The following CD48 variants were observed in gnomAD, a reference collection of about 807,000 sequenced individuals.
The protein encoded by CD48 is CD48 molecule.
A neutral mutation model predicts 22.0 loss-of-function variants in CD48; 20 were observed. The observed-to-expected ratio is 0.91, with a 90% CI of 0.64 to 1.32. The LOEUF is 1.32. CD48 is among the 40% of genes most tolerant of loss of function. CD48 has a pLI of 0.00. For synonymous variants in CD48, 110 were observed against 110.1 expected (o/e 1.00, Z 0.01); for missense variants, 307 against 286.5 (o/e 1.07, Z -0.52).
At chr1:160,708,571 T>C (rs1050974908) in intron 1 of CD48, among the ~76,000 whole-genome samples, 2 of 151,964 alleles carry the variant, frequency 1.3e-5, no homozygotes, top group Non-Finnish European at 2.9e-5. Flanking sequence ...GAAAGTAGAA[T>C]TAACAGGACT....
Position 160,684,876 on chromosome 1 carries a change from C to A in CD48, c.385+11G>T, listed in dbSNP as rs770800183. The A allele has an allele frequency of 6.2e-7, 1 of 1,614,026 alleles. No homozygotes were observed. The highest frequency in any genetic ancestry group is 1.1e-5 in the South Asian group (1 of 91,066). On this transcript the variant is annotated intron_variant, in intron 2 of 3. Transcript: ENST00000368046. Reference sequence around the variant, plus strand: ...GGAGTGGGGATTTGCTCTTTGGCTCCCCTGACTCACCAAGCACTTGCAGCT... The same window carrying A: ...GGAGTGGGGATTTGCTCTTTGGCTCACCTGACTCACCAAGCACTTGCAGCT...
intron 1 of CD48, among the ~76,000 whole-genome samples, chr1:160,709,336 T>C (rs1662884646): frequency 6.6e-6 from 1 of 152,200 alleles, no homozygotes; most frequent in African/African-American, 2.4e-5. Context: ...TGTGTCACAA[T>C]TGCAAAGCAA....
rs1201763452 is a variant in CD48, at chr1:160,711,757, A to G, written c.7T>C (p.Ser3Pro). MC[S>P]RGWDSCLALE... ...GCCAGACACGAATCCCAACCTCTGG[A>G]GCACATGCTTCCTTCCAGAACTTCC... Residue 3 changes from serine to proline, a missense_variant, in exon 1 of 4, where the codon TCC (serine) becomes CCC (proline). By Grantham distance (74) the Ser-to-Pro change is moderately conservative (BLOSUM62 -1). Coordinates refer to ENST00000368046, the MANE Select transcript of CD48 (RefSeq NM_001778.4). 6.2e-7 allele frequency: 1 copy of G among 1,613,078 alleles called. No homozygotes were observed. Among genetic ancestry groups the G allele is most frequent in the African/African-American group, 1.3e-5 (1 of 74,858 alleles).
intron 1 of CD48, among the ~76,000 whole-genome samples, chr1:160,691,287 G>A (rs11265469): frequency 0.3 from 44,912 of 151,990 alleles, 7,327 homozygotes; most frequent in Non-Finnish European, 0.38. Context: ...TCTGTTTCCC[G>A]CCCATCCCTG....
chr1:160,704,393 G>T (rs1417189857), intron 1 of CD48, among the ~76,000 whole-genome samples: 1 of 152,106 alleles, frequency 6.6e-6, no homozygotes, highest in African/African-American at 2.4e-5. Context: ...CTTAGTTGGG[G>T]TTAGCGGGAT....
intron 1 of CD48, among the ~76,000 whole-genome samples, chr1:160,687,601 T>C (rs577682633): frequency 3.2e-4 from 48 of 152,320 alleles, no homozygotes; most frequent in Middle Eastern, 3.4e-3. Flanking sequence ...GTCCCTCCAT[T>C]TGGGGTCCCT....
intron 1 of CD48, among the ~76,000 whole-genome samples, chr1:160,690,843 A>G (rs1662185149): frequency 6.6e-6 from 1 of 152,216 alleles, no homozygotes; most frequent in African/African-American, 2.4e-5. Flanking sequence ...AGAAGTAGAC[A>G]TAGGAGACTC....
chr1:160,686,541 A>G (rs561489284), intron 1 of CD48: 2 of 152,362 alleles, frequency 1.3e-5, no homozygotes, highest in East Asian at 3.9e-4. Context: ...GGGATACATC[A>G]ATGAACTAAG....
At chr1:160,697,158 G>A (rs1299370478) in intron 1 of CD48, among the ~76,000 whole-genome samples, 1 of 152,136 alleles carries the variant, frequency 6.6e-6, no homozygotes, top group Non-Finnish European at 1.5e-5. Context: ...CTAATTTAGT[G>A]GAAAGATAAT....
chr1:160,701,598 T>C (rs1384400036), intron 1 of CD48, among the ~76,000 whole-genome samples: 2 of 152,166 alleles, frequency 1.3e-5, no homozygotes, highest in Non-Finnish European at 2.9e-5. Context: ...TTCCATCATA[T>C]GCTGACTGGG....
At chr1:160,701,935 T>C (rs1049457090) in intron 1 of CD48, among the ~76,000 whole-genome samples, 1 of 152,132 alleles carries the variant, frequency 6.6e-6, no homozygotes, top group African/African-American at 2.4e-5. Context: ...TGTTTAGAAA[T>C]TACATTAATC....
chr1:160,684,485 T>G, intron 2 of CD48: 1 of 380,990 alleles, frequency 2.6e-6, no homozygotes, highest in South Asian at 3.7e-5. Flanking sequence ...TGAAAAATTC[T>G]CCTGATAACT....
intron 1 of CD48, among the ~76,000 whole-genome samples, chr1:160,703,021 G>A (rs766863034): frequency 1.3e-5 from 2 of 152,162 alleles, no homozygotes; most frequent in Admixed American, 6.5e-5. Flanking sequence ...CCTGGAGCGT[G>A]TAATTTATCC....
At chr1:160,705,800 G>C (rs1206842117) in intron 1 of CD48, among the ~76,000 whole-genome samples, 1 of 152,110 alleles carries the variant, frequency 6.6e-6, no homozygotes, top group Non-Finnish European at 1.5e-5. Flanking sequence ...TTTGTAGGGG[G>C]CTGTTCTGTG....
chr1:160,681,628 G>T (rs1661807132), intron 2 of CD48, among the ~76,000 whole-genome samples, 160 bp from the exon 3 acceptor site: 1 of 152,176 alleles, frequency 6.6e-6, no homozygotes, highest in Non-Finnish European at 1.5e-5. Context: ...GAGCAGCCTT[G>T]ACCTCCTGAG....
intron 2 of CD48, chr1:160,684,042 C>T (rs531859511): frequency 5.9e-5 from 9 of 152,188 alleles, no homozygotes; most frequent in African/African-American, 2.2e-4. Context: ...CTCAGAGGAG[C>T]AAAAGTCTAA....
At chr1:160,701,796 C>T (rs1036384967) in intron 1 of CD48, among the ~76,000 whole-genome samples, 1 of 152,226 alleles carries the variant, frequency 6.6e-6, no homozygotes. Flanking sequence ...ACCTACTAGT[C>T]CTACCTTAGT....
At chr1:160,687,293 C>A (rs1196848407) in intron 1 of CD48, among the ~76,000 whole-genome samples, 1 of 152,040 alleles carries the variant, frequency 6.6e-6, no homozygotes, top group Non-Finnish European at 1.5e-5. Flanking sequence ...GCCCAGATTT[C>A]ATATTGTTTA....
chr1:160,688,866 C>T (rs569525293), intron 1 of CD48, among the ~76,000 whole-genome samples: 32 of 152,288 alleles, frequency 2.1e-4, no homozygotes, highest in African/African-American at 7.2e-4. Flanking sequence ...AATTCCCTTC[C>T]ACTAGAGGAG....
Sources: allele counts gnomAD v4.1 joint callset (sites outside exome capture counted in the v4.1 genomes callset), GRCh38; gene constraint gnomAD v4.1.1; transcripts MANE v1.5; gene names NCBI Gene and HGNC (gene_info 2026-07-23, HGNC 2026-07-21).